The following ESRRG variants were observed in gnomAD, a reference collection of about 807,000 sequenced individuals.
ESRRG encodes the protein estrogen-related receptor gamma.
Under a neutral mutation model 44.0 loss-of-function variants are expected in ESRRG, and 13 were observed. The observed-to-expected ratio is 0.30, with a 90% CI of 0.19 to 0.47. The LOEUF (loss-of-function observed/expected upper bound fraction) is 0.47. ESRRG is among the 20% of genes least tolerant of loss of function. The pLI is 1.00. For synonymous variants in ESRRG, 215 were observed against 214.6 expected (o/e 1.00, Z -0.02); for missense variants, 395 against 580.6 (o/e 0.68, Z 3.29).
intron 3 of ESRRG, among the ~76,000 whole-genome samples, chr1:216,649,607 G>A (rs2068459886): frequency 6.6e-6 from 1 of 151,864 alleles, no homozygotes; most frequent in Non-Finnish European, 1.5e-5. Flanking sequence ...ACTTAGTAAT[G>A]TATCTTGGTC....
chr1:217,033,906 G>A (rs868459227), intron 1 of ESRRG, among the ~76,000 whole-genome samples: 8 of 152,290 alleles, frequency 5.3e-5, no homozygotes, highest in African/African-American at 1.7e-4. Flanking sequence ...AAATACGTTC[G>A]TTAAAGCTAT....
chr1:216,623,077 CT>C lies in ESRRG; in HGVS notation c.589+27895del, dbSNP rs370657704. Among the ~76,000 whole-genome samples, 615 of 88,614 alleles carry C rather than the reference CT, an allele frequency of 6.9e-3. 1 individual carries two copies. The highest frequency in any genetic ancestry group is 0.027 in the African/African-American group (590 of 22,120). 58.1% of individuals were successfully genotyped at this position (88,614 alleles called of 152,430 possible). The stretch of plus-strand genomic sequence containing the variant: ...ACTGTCATCAGCTGAAATCATTAAA[CT>C]TTTTTTTTTTTTTTTTTTTTTTGAG... On this transcript the variant is annotated intron_variant, in intron 3 of 6. Transcript: ENST00000408911.
intron 2 of ESRRG, among the ~76,000 whole-genome samples, chr1:216,840,818 T>C (rs2095640934): frequency 6.6e-6 from 1 of 152,110 alleles, no homozygotes. Context: ...ACTGATTAAG[T>C]TCTTGGTCTT....
intron 1 of ESRRG, chr1:217,076,881 G>T (rs1009048888): frequency 1.3e-5 from 2 of 152,138 alleles, no homozygotes; most frequent in Admixed American, 1.3e-4. Flanking sequence ...ACCACACTTT[G>T]CCCAGAATCA....
intron 1 of ESRRG, among the ~76,000 whole-genome samples, chr1:216,963,895 C>G (rs1213025455): frequency 6.6e-6 from 1 of 152,022 alleles, no homozygotes; most frequent in African/African-American, 2.4e-5. Context: ...TGAAAGTACA[C>G]AAAACAGAGA....
chr1:216,506,792 G>T lies in ESRRG; in HGVS notation c.*147C>A. Reference sequence around the variant, plus strand: ...CAGGAACCTATGGAGGAATCTGAAAGCTGCTTCATAGTCTTGCTGCTAAAT... The same window carrying T: ...CAGGAACCTATGGAGGAATCTGAAATCTGCTTCATAGTCTTGCTGCTAAAT... On this transcript the variant is annotated 3_prime_UTR_variant, in exon 7 of 7. Coordinates refer to ENST00000408911, the MANE Select transcript of ESRRG (RefSeq NM_001438.4). The T allele has an allele frequency of 2.4e-6, 2 of 827,850 alleles. No homozygotes were observed. Among genetic ancestry groups the T allele is most frequent in the Non-Finnish European group, 3.8e-6 (2 of 525,120 alleles). 51.3% of individuals were successfully genotyped at this position (827,850 alleles called of 1,614,324 possible).
intron 1 of ESRRG, among the ~76,000 whole-genome samples, chr1:216,962,688 C>CAGA (rs1236671265): frequency 6.6e-6 from 1 of 152,028 alleles, no homozygotes; most frequent in Non-Finnish European, 1.5e-5. Flanking sequence ...AATGTATGAA[C>CAGA]AGAAGTGCAC....
intron 2 of ESRRG, among the ~76,000 whole-genome samples, chr1:216,806,494 G>T (rs1026940971): frequency 1.3e-5 from 2 of 152,106 alleles, no homozygotes; most frequent in Non-Finnish European, 2.9e-5. Context: ...TTTGAAATAG[G>T]TCTTTTTTAT....
rs961073158 is a variant in ESRRG, at chr1:216,700,874, A to T, written c.56+22370T>A. Among the ~76,000 whole-genome samples, 29 of 152,258 alleles carry T rather than the reference A, an allele frequency of 1.9e-4. No homozygotes were observed. The East Asian group carries it at 5.0e-3, about 26-fold the overall frequency. On this transcript the variant is annotated intron_variant, in intron 1 of 6. Coordinates refer to ENST00000408911, the MANE Select transcript of ESRRG (RefSeq NM_001438.4). ...AGTGAGTGGTTAGGTTTCTGTCTTT[A>T]CTTTGCTTTCCCCCTTTGCTAATTT...
At chr1:216,815,708 C>T (rs946183890) in intron 2 of ESRRG, among the ~76,000 whole-genome samples, 39 of 152,196 alleles carry the variant, frequency 2.6e-4, no homozygotes, top group Non-Finnish European at 1.0e-4. Flanking sequence ...TGGAGGGAGG[C>T]TCAGATTTCC....
At chr1:216,840,946 C>T (rs115533259) in intron 2 of ESRRG, among the ~76,000 whole-genome samples, 36 of 152,170 alleles carry the variant, frequency 2.4e-4, no homozygotes, top group Non-Finnish European at 4.1e-4. Flanking sequence ...CAGCAGAATA[C>T]TGCAAAAATT....
At position 216,504,038 on chromosome 1, in the gene ESRRG, A is replaced by C. The variant is rs997166325; in HGVS notation, c.*2901T>G. 6.6e-6 allele frequency: 1 copy of C among 152,512 alleles called. No individual in the cohort carries two copies. The highest frequency in any genetic ancestry group is 1.5e-5 in the Non-Finnish European group (1 of 67,986). The allele number at this position is 152,512 out of a possible 1,614,324, so 9.4% of individuals were successfully genotyped here. A position where few individuals can be genotyped will look rare whatever the true frequency, so the allele number is the denominator to read the frequency against. Reference sequence around the variant, plus strand: ...TTTAGTTTTATTTCCTATTTGTGAGATACTTACTCTTTTGTAATGCTGAGA... The same window carrying C: ...TTTAGTTTTATTTCCTATTTGTGAGCTACTTACTCTTTTGTAATGCTGAGA... On this transcript the variant is annotated 3_prime_UTR_variant, in exon 7 of 7. Transcript: ENST00000408911.
chr1:216,586,431 AG>A (rs916331514), intron 3 of ESRRG, among the ~76,000 whole-genome samples: 3 of 152,202 alleles, frequency 2.0e-5, no homozygotes, highest in African/African-American at 7.2e-5. Flanking sequence ...CAAAGTTAAA[AG>A]TTTCATTAAT....
At chr1:216,595,026 A>G (rs910679639) in intron 3 of ESRRG, among the ~76,000 whole-genome samples, 4 of 152,216 alleles carry the variant, frequency 2.6e-5, no homozygotes, top group Non-Finnish European at 5.9e-5. Flanking sequence ...TGATGTTTCT[A>G]TAAACTCCCC....
chr1:216,917,866 C>G (rs1053339468), intron 2 of ESRRG, among the ~76,000 whole-genome samples: 3 of 152,204 alleles, frequency 2.0e-5, no homozygotes, highest in African/African-American at 7.2e-5. Context: ...TCATAGTAGT[C>G]TGGAGTTCAT....
At chr1:216,982,375 C>T (rs187401589) in intron 1 of ESRRG, among the ~76,000 whole-genome samples, 1 of 152,260 alleles carries the variant, frequency 6.6e-6, no homozygotes, top group Non-Finnish European at 1.5e-5. Flanking sequence ...GATAGGCCAT[C>T]TGAGCAAGAG....
At chr1:216,716,217 T>C (rs1236335195) in intron 1 of ESRRG, among the ~76,000 whole-genome samples, 1 of 152,054 alleles carries the variant, frequency 6.6e-6, no homozygotes, top group African/African-American at 2.4e-5. Flanking sequence ...TCTAAACCTA[T>C]TTTACTTTCA....
Position 216,615,830 on chromosome 1 carries a change from G to A in ESRRG, c.589+35143C>T, listed in dbSNP as rs1182335862. Among the ~76,000 whole-genome samples the A allele has an allele frequency of 6.7e-5, 10 of 150,012 alleles. No homozygotes were observed. In the Admixed American group the frequency reaches 6.7e-4, roughly 10 times the overall value. On this transcript the variant is annotated intron_variant, in intron 3 of 6. Transcript: ENST00000408911. ...AGCCTCCTGAGTAGGAGGGATTACAGGCACCCACACCACACCCAGCTAATT... is the reference window on the plus strand; with the variant it reads ...AGCCTCCTGAGTAGGAGGGATTACAAGCACCCACACCACACCCAGCTAATT...
intron 2 of ESRRG, among the ~76,000 whole-genome samples, chr1:216,860,062 G>A (rs897342836): frequency 2.0e-5 from 3 of 152,064 alleles, no homozygotes; most frequent in South Asian, 2.1e-4. Flanking sequence ...CCAGGAGTTC[G>A]AGACCAGCCT....
Sources: gnomAD v4.1 joint callset for allele counts (sites outside exome capture counted in the v4.1 genomes callset) on GRCh38, gnomAD v4.1.1 for gene constraint, MANE v1.5 for transcripts, NCBI Gene and HGNC (gene_info 2026-07-23, HGNC 2026-07-21) for gene names.